Variants in MARF1 observed in about 807,000 individuals in gnomAD.
MARF1 encodes limkain-b1.
MARF1 carries 24 observed loss-of-function variants against 168.2 expected under a neutral mutation model. The ratio of observed to expected loss-of-function variants is 0.14; its 90% confidence interval spans 0.10 to 0.20. MARF1 has a LOEUF of 0.20. Ranked by LOEUF, MARF1 falls within the 10% of genes least tolerant of loss-of-function variation. The pLI, the probability that MARF1 is intolerant of heterozygous loss-of-function variation, is 1.00. For missense variants in MARF1, 1,744 were observed against 2,143.6 expected (o/e 0.81, Z 3.68); for synonymous variants, 868 against 822.4 (o/e 1.06, Z -0.95).
chr16:15,614,679 G>C (rs1397925743), intron 16 of MARF1, among the ~76,000 whole-genome samples: 1 of 151,328 alleles, frequency 6.6e-6, no homozygotes, highest in African/African-American at 2.4e-5. Context: ...TGTAGTCCCA[G>C]CTCCTCAGGA....
chr16:15,605,914 T>G (rs1292244554), intron 21 of MARF1: 2 of 151,556 alleles, frequency 1.3e-5, no homozygotes, highest in Admixed American at 1.3e-4. Context: ...TTCATCATCC[T>G]GGGCAACTGA....
chr16:15,600,276 C>A, intron 25 of MARF1, 152 bp downstream of exon 25: 1 of 1,033,596 alleles, frequency 9.7e-7, no homozygotes, highest in Non-Finnish European at 1.4e-6. Flanking sequence ...CTGTTACTAA[C>A]TAAATACCAA....
intron 20 of MARF1, 199 bp from the exon 21 acceptor site, chr16:15,608,717 G>A (rs2033248095): frequency 7.0e-6 from 4 of 570,816 alleles, no homozygotes; most frequent in Non-Finnish European, 1.2e-5. Context: ...TACTGGACAG[G>A]AGATATAAAG....
At chr16:15,616,400 T>C (rs1200185018) in intron 15 of MARF1, among the ~76,000 whole-genome samples, 3 of 152,220 alleles carry the variant, frequency 2.0e-5, no homozygotes, top group African/African-American at 7.2e-5. Flanking sequence ...TCACAAGTCT[T>C]GAAATGTATG....
At chr16:15,622,631 C>T (rs1465632490) in intron 11 of MARF1, among the ~76,000 whole-genome samples, 2 of 152,214 alleles carry the variant, frequency 1.3e-5, no homozygotes, top group East Asian at 3.9e-4. Flanking sequence ...GATCTGGCCG[C>T]CTTGGCCTCC....
At chr16:15,613,074 C>G (rs1028935670) in intron 16 of MARF1, among the ~76,000 whole-genome samples, 5 of 152,150 alleles carry the variant, frequency 3.3e-5, no homozygotes, top group African/African-American at 1.2e-4. Context: ...ACACAAGAAG[C>G]TCCCAGTTTA....
In MARF1 at chr16:15,599,171, A is replaced by C. The variant is rs1337173186; in HGVS notation, c.4814-147T>G. The C allele has an allele frequency of 7.1e-3, 5,593 of 782,888 alleles. 125 individuals carry two copies. In the Admixed American group the frequency reaches 0.089, roughly 12 times the overall value. The allele number at this position is 782,888 out of a possible 1,614,324, so 48.5% of individuals were successfully genotyped here. On this transcript the variant is annotated intron_variant, in intron 25 of 26. Coordinates refer to ENST00000396368, the MANE Select transcript of MARF1 (RefSeq NM_014647.4). ...TAAGGTATTAAAAAAAAAAAAAAAAAAAAACAAAAACCCAAAACCCACTAA... is the reference window on the plus strand; with the variant it reads ...TAAGGTATTAAAAAAAAAAAAAAAACAAAACAAAAACCCAAAACCCACTAA...
chr16:15,636,422 A>G, intron 2 of MARF1, 80 bp from the exon 3 acceptor site: 1 of 977,020 alleles, frequency 1.0e-6, no homozygotes, highest in Non-Finnish European at 1.5e-6. Context: ...CTGCATGCAC[A>G]AACAGAAATA....
intron 21 of MARF1, among the ~76,000 whole-genome samples, chr16:15,606,546 C>T (rs1302373571): frequency 6.6e-6 from 1 of 152,142 alleles, no homozygotes; most frequent in Non-Finnish European, 1.5e-5. Flanking sequence ...CCTCTCCTCT[C>T]TCTCTCTAAG....
intron 1 of MARF1, chr16:15,642,526 A>T (rs1567602156): frequency 6.6e-6 from 1 of 152,274 alleles, no homozygotes; most frequent in Non-Finnish European, 1.5e-5. Flanking sequence ...AAGGTGCTTG[A>T]GAAACTCTAA....
At position 15,623,007 on chromosome 16, in the gene MARF1, C is replaced by T; in HGVS notation, c.2387G>A (p.Ser796Asn). The T allele has an allele frequency of 6.2e-7, 1 of 1,607,854 alleles. No individual in the cohort carries two copies. The highest frequency in any genetic ancestry group is 8.5e-7 in the Non-Finnish European group (1 of 1,174,774). Reference protein sequence around the residue: ...PFANGADVQVSNIDYRLSRKE... With the variant: ...PFANGADVQVNNIDYRLSRKE... ...CCGGGATAATCTGTAGTCTATGTTG[C>T]TGACTTGGACATCAGCACCATTTGC... Residue 796 changes from serine (S) to asparagine (N), a missense_variant, in exon 11 of 27, where the codon AGC becomes AAC. Ser to Asn is a conservative substitution (Grantham distance 46). Around this residue, in one of 7 missense-constraint regions of MARF1, gnomAD observed 543 missense variants for 742.1 expected, o/e 0.73. Coordinates refer to ENST00000396368, the MANE Select transcript of MARF1 (RefSeq NM_014647.4).
At chr16:15,610,900 A>C in intron 19 of MARF1, 75 bp downstream of exon 19, 2 of 1,449,222 alleles carry the variant, frequency 1.4e-6, no homozygotes, top group Non-Finnish European at 1.9e-6. Flanking sequence ...AGGGAAAACC[A>C]CATCTTCCAT....
In MARF1 at chr16:15,604,330, G is replaced by C. The variant is rs1167666162; in HGVS notation, c.4251C>G (p.Ala1417=). Residue 1417 remains alanine (A), a synonymous_variant, in exon 22 of 27, where the codon GCC becomes GCG. Coordinates refer to ENST00000396368, the MANE Select transcript of MARF1 (RefSeq NM_014647.4). The part of the protein sequence containing the change: ...INRKSLRSLT[A]QLLVLLMSWE... ...AAGACATCAACAATACCAGCAACTGGGCAGTGAGAGATCGCAGAGACTTTC... is the reference window on the plus strand; with the variant it reads ...AAGACATCAACAATACCAGCAACTGCGCAGTGAGAGATCGCAGAGACTTTC... The C allele has an allele frequency of 1.9e-6, 3 of 1,614,074 alleles. No homozygotes were observed. In the Admixed American group the frequency reaches 5.0e-5, roughly 27 times the overall value.
intron 3 of MARF1, 139 bp from the exon 4 acceptor site, chr16:15,635,070 T>C: frequency 1.5e-6 from 1 of 657,014 alleles, no homozygotes; most frequent in Non-Finnish European, 2.5e-6. Flanking sequence ...GACTTTCAAA[T>C]AATCTTTCCA....
At position 15,608,573 on chromosome 16, in the gene MARF1, C is replaced by A; in HGVS notation, c.3955-55G>T. On this transcript the variant is annotated intron_variant, in intron 20 of 26. Transcript: ENST00000396368. ...AAAATAAACAAATCACGGGTGTTTA[C>A]AGAATAGCAAAAAAAGTATGCAGCT... The A allele has an allele frequency of 3.8e-6, 5 of 1,299,810 alleles. No homozygotes were observed. In the Admixed American group the frequency reaches 8.3e-5, roughly 21 times the overall value. The allele number at this position is 1,299,810 out of a possible 1,614,324, so 80.5% of individuals were successfully genotyped here. A position where few individuals can be genotyped will look rare whatever the true frequency, so the allele number is the denominator to read the frequency against.
intron 23 of MARF1, chr16:15,601,328 G>T (rs1262746596): frequency 6.2e-6 from 2 of 323,706 alleles, no homozygotes; most frequent in Non-Finnish European, 6.1e-6. Flanking sequence ...CCTCTGCAGT[G>T]GCCAGGATCC....
chr16:15,596,762 G>C lies in MARF1; in HGVS notation c.5160C>G (p.Ala1720=). The C allele has an allele frequency of 1.9e-6, 3 of 1,612,174 alleles. No individual in the cohort carries two copies. The highest frequency in any genetic ancestry group is 2.5e-6 in the Non-Finnish European group (3 of 1,178,614). Residue 1720 remains alanine (A), a synonymous_variant, in exon 27 of 27, where the codon GCC becomes GCG. Coordinates refer to ENST00000396368, the MANE Select transcript of MARF1 (RefSeq NM_014647.4). ...LLSKDPVESP[A]KKQPKNRVKL... Reference sequence around the variant, plus strand: ...TGACTCTATTTTTGGGTTGCTTTTTGGCCGGGCTTTCCACGGGGTCCTTGC... The same window carrying C: ...TGACTCTATTTTTGGGTTGCTTTTTCGCCGGGCTTTCCACGGGGTCCTTGC...
In MARF1 at chr16:15,609,596, C is replaced by T. The variant is rs1031573832; in HGVS notation, c.3881G>A (p.Arg1294Gln). ...FIPSYHHHFG[R>Q]QCKLAYYGFT... ...CCCATAGTACGCAAGTTTGCACTGC[C>T]GGCCAAAGTGGTGATGGTAAGAAGG... is the stretch of plus-strand genomic sequence containing the variant. Residue 1294 changes from arginine (R) to glutamine (Q), a missense_variant, in exon 20 of 27, where the codon CGG becomes CAG. Physicochemically the swap from Arg to Gln is conservative, Grantham distance 43. Coordinates refer to ENST00000396368, the MANE Select transcript of MARF1 (RefSeq NM_014647.4). The T allele has an allele frequency of 3.1e-6, 5 of 1,613,968 alleles. No individual in the cohort carries two copies. The highest frequency in any genetic ancestry group is 1.7e-5 in the Admixed American group (1 of 60,004).
chr16:15,605,042 T>C (rs2032884102), intron 21 of MARF1, among the ~76,000 whole-genome samples: 2 of 152,156 alleles, frequency 1.3e-5, no homozygotes, highest in African/African-American at 2.4e-5. Flanking sequence ...AGGGAAACCT[T>C]ACAAAAAAGA....
Sources: allele counts gnomAD v4.1 joint callset (sites outside exome capture counted in the v4.1 genomes callset), GRCh38; gene constraint gnomAD v4.1.1; regional missense constraint gnomAD v4.1.1; transcripts MANE v1.5; gene names NCBI Gene and HGNC (gene_info 2026-07-23, HGNC 2026-07-21).